The following SOX6 variants were observed in gnomAD, a reference collection of about 807,000 sequenced individuals.
The protein encoded by SOX6 is SRY-box transcription factor 6, also known as transcription factor SOX-6.
Under a neutral mutation model 97.8 loss-of-function variants are expected in SOX6, and 11 were observed. The ratio of observed to expected loss-of-function variants is 0.11; its 90% CI spans 0.07 to 0.19. The LOEUF is 0.19. Ranked by LOEUF, SOX6 falls within the 10% of genes least tolerant of loss-of-function variation. The pLI is 1.00. For synonymous variants in SOX6, 360 were observed against 371.4 expected, an observed-to-expected ratio of 0.97 and a Z score of 0.35; for missense variants, 810 against 1,039.5, an observed-to-expected ratio of 0.78 and a Z score of 3.04.
intron 2 of SOX6, among the ~76,000 whole-genome samples, chr11:16,328,622 A>C (rs1289469791): frequency 6.6e-6 from 1 of 152,190 alleles, no homozygotes; most frequent in Non-Finnish European, 1.5e-5. Context: ...TACCACAGAC[A>C]ATATATGTAA....
Position 16,341,136 on chromosome 11 carries a change from G to A in SOX6, c.113C>T (p.Ala38Val), listed in dbSNP as rs1856617788. 6.2e-7 allele frequency: 1 copy of A among 1,613,402 alleles called. No individual in the cohort carries two copies. Among genetic ancestry groups the A allele is most frequent in the African/African-American group, 1.3e-5 (1 of 74,872 alleles). Residue 38 changes from alanine to valine, a missense_variant, in exon 2 of 16, where the codon GCC (alanine) becomes GTC (valine). Coordinates refer to ENST00000683767, the MANE Select transcript of SOX6 (RefSeq NM_001367873.1). ...EKEEGSDQHV[A>V]SHLPLHPIMH... is the part of the protein sequence containing the mutation. ...TATGGGGTGCAGAGGCAGATGGGAGGCCACATGTTGATCACTGCCCTCTTC... is the reference window on the plus strand; with the variant it reads ...TATGGGGTGCAGAGGCAGATGGGAGACCACATGTTGATCACTGCCCTCTTC...
At chr11:16,422,789 G>A (rs936980281) in intron 1 of SOX6, among the ~76,000 whole-genome samples, 1 of 152,078 alleles carries the variant, frequency 6.6e-6, no homozygotes, top group African/African-American at 2.4e-5. Flanking sequence ...TGCTAATAGA[G>A]GAAGTGACAT....
At chr11:16,679,630 G>C (rs900431076) in intron 3 of SOX6, among the ~76,000 whole-genome samples, 1 of 152,178 alleles carries the variant, frequency 6.6e-6, no homozygotes, top group Non-Finnish European at 1.5e-5. Context: ...CAAGTTGACA[G>C]AAGTAGGCTT....
chr11:16,116,209 G>T (rs995480543), intron 6 of SOX6, among the ~76,000 whole-genome samples: 1 of 152,094 alleles, frequency 6.6e-6, no homozygotes, highest in African/African-American at 2.4e-5. Flanking sequence ...TAATGATGAT[G>T]ATGACCACAG....
At chr11:16,533,489 T>C (rs956423147) in intron 4 of SOX6, among the ~76,000 whole-genome samples, 1 of 152,054 alleles carries the variant, frequency 6.6e-6, no homozygotes, top group Non-Finnish European at 1.5e-5. Context: ...TTGAAAGTCA[T>C]GTATTAACTT....
At chr11:16,081,370 TC>T (rs1270625760) in intron 9 of SOX6, among the ~76,000 whole-genome samples, 2 of 152,116 alleles carry the variant, frequency 1.3e-5, no homozygotes, top group Non-Finnish European at 2.9e-5. Context: ...ACAAGAACTT[TC>T]TTTTATCCTT....
At chr11:16,197,503 G>A (rs992075976) in intron 4 of SOX6, among the ~76,000 whole-genome samples, 1 of 152,176 alleles carries the variant, frequency 6.6e-6, no homozygotes, top group Non-Finnish European at 1.5e-5. Context: ...CATATTGTGA[G>A]TCTATAGAGG....
At chr11:16,162,081 A>G (rs1029676811) in intron 6 of SOX6, among the ~76,000 whole-genome samples, 1 of 152,228 alleles carries the variant, frequency 6.6e-6, no homozygotes, top group Non-Finnish European at 1.5e-5. Flanking sequence ...GGAAAAATCA[A>G]AACTTTAAGT....
Position 16,613,646 on chromosome 11 carries a change from C to T in SOX6, n.430-1386G>A, listed in dbSNP as rs1308255419. Among the ~76,000 whole-genome samples the T allele has an allele frequency of 2.6e-5, 4 of 152,180 alleles. No homozygotes were observed. Among genetic ancestry groups the T allele is most frequent in the Admixed American group, 2.6e-4 (4 of 15,290 alleles). ...CCACGAGCACACACACACGCACGCA[C>T]ACACACAGACACGCGCGTATTCTGA... On this transcript the variant is annotated intron_variant and non_coding_transcript_variant, in intron 3 of 5. Coordinates refer to the SOX6 transcript ENST00000524520. This position sits in a 1 kb window ranked among gnomAD's most constrained non-coding sequence, Gnocchi z 4.6.
At chr11:15,977,040 C>G (rs1457343082) in intron 15 of SOX6, among the ~76,000 whole-genome samples, 1 of 152,090 alleles carries the variant, frequency 6.6e-6, no homozygotes, top group Non-Finnish European at 1.5e-5. Context: ...TTTAATCCCT[C>G]CATCCTAAAA....
At chr11:16,705,237 G>A (rs1275040281) in intron 3 of SOX6, among the ~76,000 whole-genome samples, 5 of 150,832 alleles carry the variant, frequency 3.3e-5, no homozygotes, top group Non-Finnish European at 7.4e-5. Context: ...CTGCCTGGGC[G>A]ACAGAGCAAG....
chr11:16,321,117 GAT>G (rs1365886892), intron 2 of SOX6, among the ~76,000 whole-genome samples: 1 of 152,114 alleles, frequency 6.6e-6, no homozygotes, highest in African/African-American at 2.4e-5. Flanking sequence ...AAAATGCAGA[GAT>G]ATATTTGTCA....
intron 6 of SOX6, among the ~76,000 whole-genome samples, chr11:16,145,489 A>C (rs2134047223): frequency 6.6e-6 from 1 of 152,322 alleles, no homozygotes; most frequent in Admixed American, 6.5e-5. Flanking sequence ...CAATGTTGGA[A>C]GTTCTGGCCA....
At chr11:16,487,476 T>C (rs1419487402) in intron 4 of SOX6, among the ~76,000 whole-genome samples, 1 of 152,202 alleles carries the variant, frequency 6.6e-6, no homozygotes, top group East Asian at 1.9e-4. Flanking sequence ...GCATTTGCAG[T>C]GCACTATCAT....
chr11:16,430,601 G>A (rs933760323), intron 1 of SOX6, among the ~76,000 whole-genome samples: 1 of 152,110 alleles, frequency 6.6e-6, no homozygotes, highest in African/African-American at 2.4e-5. Flanking sequence ...AGGTCAGAGT[G>A]AGAAATTGGC....
At position 16,670,910 on chromosome 11, in the gene SOX6, G is replaced by T. The variant is rs142081351; in HGVS notation, n.429+43920C>A. Among the ~76,000 whole-genome samples the T allele has an allele frequency of 1.3e-3, 193 of 151,358 alleles. 1 individual carries two copies. The highest frequency in any genetic ancestry group is 0.01 in the Middle Eastern group (3 of 294). ...GAGGAGTCCCCATCACTCAATGAGAGGGATCACGGCTGCAACTGTGAGGAA... is the reference window on the plus strand; with the variant it reads ...GAGGAGTCCCCATCACTCAATGAGATGGATCACGGCTGCAACTGTGAGGAA... On this transcript the variant is annotated intron_variant and non_coding_transcript_variant, in intron 3 of 5. Transcript: ENST00000524520.
At chr11:16,501,971 C>G (rs962368831) in intron 4 of SOX6, among the ~76,000 whole-genome samples, 1 of 152,090 alleles carries the variant, frequency 6.6e-6, no homozygotes, top group African/African-American at 2.4e-5. Context: ...GGTATATACC[C>G]AAAGGATTAT....
chr11:16,200,117 G>C lies in SOX6; in HGVS notation c.536-13162C>G, dbSNP rs952207494. On this transcript the variant is annotated intron_variant, in intron 4 of 15. Coordinates refer to ENST00000683767, the MANE Select transcript of SOX6 (RefSeq NM_001367873.1). ...CATAATGCCACCAAAGCTTTTGTAG[G>C]AGAATGTTTTCAGAAGTTATACTTT... 3.3e-5 allele frequency among the ~76,000 whole-genome samples: 5 copies of C among 152,120 alleles called. No homozygotes were observed. The East Asian group carries it at 9.6e-4, about 29-fold the overall frequency.
chr11:16,412,511 A>C (rs1287866796), intron 1 of SOX6, among the ~76,000 whole-genome samples: 5 of 152,150 alleles, frequency 3.3e-5, no homozygotes, highest in Non-Finnish European at 5.9e-5. Flanking sequence ...TATGGCAGGC[A>C]CCTGCAGTCC....
Sources: allele counts gnomAD v4.1 joint callset (sites outside exome capture counted in the v4.1 genomes callset), GRCh38; gene constraint gnomAD v4.1.1; non-coding constraint Gnocchi (gnomAD v3.1); transcripts MANE v1.5; gene names NCBI Gene and HGNC (gene_info 2026-07-23, HGNC 2026-07-21).